ZC3H12B: variants seen among roughly 807,000 people sequenced by gnomAD.
ZC3H12B encodes zinc finger CCCH-type containing 12B, also known as probable ribonuclease ZC3H12B.
ZC3H12B carries 7 observed loss-of-function variants against 43.9 expected under a neutral mutation model. The ratio of observed to expected loss-of-function variants is 0.16; its 90% CI spans 0.09 to 0.30. ZC3H12B has a LOEUF of 0.30. Among genes scored for constraint, ZC3H12B ranks in the 10% least tolerant of loss-of-function variants. The pLI, the probability that ZC3H12B is intolerant of heterozygous loss-of-function variation, is 1.00. For missense variants in ZC3H12B, 475 were observed against 670.2 expected (o/e 0.71, Z 3.22); for synonymous variants, 222 against 241.7 (o/e 0.92, Z 0.76).
the ZC3H12B span, among the ~76,000 whole-genome samples, chrX:65,346,534 C>A: frequency 9.0e-6 from 1 of 111,434 alleles, no homozygotes; most frequent in Non-Finnish European, 1.9e-5. Flanking sequence ...AGAAAAAAAC[C>A]CCAAAATTAT....
the ZC3H12B span, among the ~76,000 whole-genome samples, chrX:65,126,677 C>CT: frequency 1.2e-5 from 1 of 86,303 alleles, no homozygotes; most frequent in African/African-American, 9.3e-5. Flanking sequence ...AGGTTTTGTT[C>CT]AATTTTTTTT....
the ZC3H12B span, among the ~76,000 whole-genome samples, chrX:65,054,613 A>G: frequency 8.9e-6 from 1 of 111,822 alleles, no homozygotes; most frequent in African/African-American, 3.3e-5. Flanking sequence ...GTTTATTCCA[A>G]TTCTGTGAAG....
At chrX:65,229,180 A>G in the ZC3H12B span, among the ~76,000 whole-genome samples, 1 of 111,168 alleles carries the variant, frequency 9.0e-6, no homozygotes, top group Non-Finnish European at 1.9e-5. Context: ...TGGTACCAAA[A>G]CAGAGATATA....
chrX:65,502,887 G>T (rs370582971), exon 5 of ZC3H12B: 1 of 1,211,573 alleles, frequency 8.3e-7, no homozygotes, highest in Non-Finnish European at 1.1e-6. Flanking sequence ...CATGCCAGCT[G>T]GGACCCGCTG....
At chrX:65,345,549 G>T in the ZC3H12B span, among the ~76,000 whole-genome samples, 440 of 111,379 alleles carry the variant, frequency 4.0e-3, 4 homozygotes, top group African/African-American at 0.013. Flanking sequence ...CTGGAGGGTG[G>T]AGTGTGGGAG....
intron 3 of ZC3H12B, among the ~76,000 whole-genome samples, chrX:65,452,879 C>CACACACACACAT (rs767117957): frequency 9.4e-6 from 1 of 106,759 alleles, no homozygotes; most frequent in African/African-American, 3.5e-5. Flanking sequence ...CACACACACA[C>CACACACACACAT]CATGTTCATG....
At chrX:65,190,875 C>CCAGTTT in the ZC3H12B span, among the ~76,000 whole-genome samples, 2 of 105,982 alleles carry the variant, frequency 1.9e-5, no homozygotes, top group East Asian at 5.9e-4. Context: ...CTGTCTTGTG[C>CCAGTTT]CAGTTTTCAA....
the ZC3H12B span, among the ~76,000 whole-genome samples, chrX:65,283,778 TGA>T: frequency 9.0e-6 from 1 of 111,599 alleles, no homozygotes; most frequent in South Asian, 3.7e-4. Context: ...TGCTACCCAG[TGA>T]CACTGGGACT....
At chrX:65,415,777 T>C (rs1375630234) in intron 3 of ZC3H12B, among the ~76,000 whole-genome samples, 1 of 112,133 alleles carries the variant, frequency 8.9e-6, no homozygotes, top group Non-Finnish European at 1.9e-5. Flanking sequence ...TAAATACTTA[T>C]CCTCTATGAA....
At chrX:65,145,013 C>T in the ZC3H12B span, among the ~76,000 whole-genome samples, 100 of 111,753 alleles carry the variant, frequency 8.9e-4, 2 homozygotes, top group South Asian at 0.036. Flanking sequence ...TTTAAATCCA[C>T]TGTTTCTTTG....
At chrX:65,082,636 A>C in the ZC3H12B span, among the ~76,000 whole-genome samples, 2 of 111,044 alleles carry the variant, frequency 1.8e-5, no homozygotes, top group Admixed American at 9.6e-5. Flanking sequence ...CTACCAATAA[A>C]GAAAAGCCTG....
chrX:65,186,375 C>T, the ZC3H12B span: 1 of 107,739 alleles, frequency 9.3e-6, no homozygotes, highest in Non-Finnish European at 1.9e-5. Flanking sequence ...GCCTGTAATC[C>T]CAGCTCCTCA....
chrX:65,177,788 T>A, the ZC3H12B span, among the ~76,000 whole-genome samples: 1 of 112,127 alleles, frequency 8.9e-6, no homozygotes, highest in Admixed American at 9.5e-5. Flanking sequence ...CACAAACAAT[T>A]GGAAAAACAT....
chrX:65,262,144 CTATA>C, the ZC3H12B span, among the ~76,000 whole-genome samples: 3 of 111,066 alleles, frequency 2.7e-5, no homozygotes, highest in East Asian at 8.4e-4. Flanking sequence ...ATATAACCTA[CTATA>C]TAATCAATTT....
chrX:65,134,619 C>T, the ZC3H12B span, among the ~76,000 whole-genome samples: 1 of 111,321 alleles, frequency 9.0e-6, no homozygotes, highest in South Asian at 3.8e-4. Flanking sequence ...TCTGAGGACC[C>T]AAGGTCGTAG....
the ZC3H12B span, among the ~76,000 whole-genome samples, chrX:65,309,809 C>T: frequency 1.8e-5 from 2 of 111,935 alleles, no homozygotes; most frequent in Admixed American, 1.9e-4. Context: ...CCACGATCAA[C>T]TCGACTTCAT....
the ZC3H12B span, among the ~76,000 whole-genome samples, chrX:65,347,772 A>T: frequency 8.9e-6 from 1 of 112,402 alleles, no homozygotes; most frequent in African/African-American, 3.2e-5. Flanking sequence ...TGCTGCTATA[A>T]AGACACATGC....
At chrX:65,207,185 A>T in the ZC3H12B span, among the ~76,000 whole-genome samples, 3 of 107,874 alleles carry the variant, frequency 2.8e-5, no homozygotes, top group Non-Finnish European at 3.8e-5. Context: ...AGAAGTCATT[A>T]TACAAAAAAG....
At chrX:65,472,560 T>C (rs1413079717) in intron 3 of ZC3H12B, among the ~76,000 whole-genome samples, 4 of 109,250 alleles carry the variant, frequency 3.7e-5, no homozygotes, top group African/African-American at 6.7e-5. Context: ...TTTTGTATCT[T>C]ATGTTTAAGT....
Sources: allele counts gnomAD v4.1 joint callset (sites outside exome capture counted in the v4.1 genomes callset), GRCh38; gene constraint gnomAD v4.1.1; transcripts MANE v1.5; gene names NCBI Gene and HGNC (gene_info 2026-07-23, HGNC 2026-07-21).